Variants in PTPRN2 observed in about 807,000 individuals in gnomAD.
PTPRN2 encodes receptor-type tyrosine-protein phosphatase N2.
A neutral mutation model predicts 118.8 loss-of-function variants in PTPRN2; 74 were observed. The ratio of observed to expected loss-of-function variants is 0.62; its 90% CI spans 0.52 to 0.76. The LOEUF (loss-of-function observed/expected upper bound fraction) is 0.76. Among genes scored for constraint, PTPRN2 ranks in the 30% least tolerant of loss-of-function variants. The pLI is 0.00. For synonymous variants in PTPRN2, 641 were observed against 608.0 expected (o/e 1.05, Z -0.80); for missense variants, 1,481 against 1,394.4 (o/e 1.06, Z -0.99).
rs1800995508 is a variant in PTPRN2 at position 157,591,729 on chromosome 7, G to A, written c.2496+3509C>T. ...AGATGCTGACATTCTAAAACACACG[G>A]TTTAGAGGCCTCCCAGGCAAATGTG... is the stretch of plus-strand genomic sequence containing the variant. On this transcript the variant is annotated intron_variant, in intron 17 of 22. Transcript: ENST00000389418. The surrounding 1 kb of genome is among the most constrained non-coding windows in gnomAD (Gnocchi z 4.4). Among the ~76,000 whole-genome samples the A allele has an allele frequency of 6.6e-6, 1 of 152,188 alleles. No individual in the cohort carries two copies. The highest frequency in any genetic ancestry group is 2.4e-5 in the African/African-American group (1 of 41,428).
chr7:157,700,414 T>C (rs959444369), intron 12 of PTPRN2, among the ~76,000 whole-genome samples: 1 of 152,194 alleles, frequency 6.6e-6, no homozygotes, highest in African/African-American at 2.4e-5. Context: ...TTTCCTCCAC[T>C]GGGTTTCCCA....
At chr7:158,262,335 G>GCACACATATTCA (rs1465615734) in intron 3 of PTPRN2, among the ~76,000 whole-genome samples, 4 of 131,858 alleles carry the variant, frequency 3.0e-5, no homozygotes, top group African/African-American at 1.2e-4. Context: ...CACACACACT[G>GCACACATATTCA]CACACATATT....
intron 2 of PTPRN2, among the ~76,000 whole-genome samples, chr7:158,368,456 G>A (rs1327525564): frequency 6.6e-6 from 1 of 152,242 alleles, no homozygotes; most frequent in Non-Finnish European, 1.5e-5. Context: ...GTGATGACCA[G>A]GTAGATGAAG....
At chr7:158,092,439 CGGAT>C (rs1585412204) in intron 10 of PTPRN2, among the ~76,000 whole-genome samples, 2 of 150,932 alleles carry the variant, frequency 1.3e-5, no homozygotes, top group South Asian at 4.2e-4. Flanking sequence ...GGGAGGTAGA[CGGAT>C]GGATGGATGA....
intron 2 of PTPRN2, among the ~76,000 whole-genome samples, chr7:158,322,336 A>G (rs1444246956): frequency 6.6e-6 from 1 of 152,240 alleles, no homozygotes; most frequent in East Asian, 1.9e-4. Context: ...ATAATTGTGG[A>G]CAGGCTGCAA....
chr7:158,468,516 C>G (rs762392245), intron 2 of PTPRN2, among the ~76,000 whole-genome samples: 1 of 152,072 alleles, frequency 6.6e-6, no homozygotes, highest in Non-Finnish European at 1.5e-5. Flanking sequence ...TTCTGATTCA[C>G]TGGCGCCAGT....
At position 158,507,826 on chromosome 7, in the gene PTPRN2, C is replaced by T. The variant is rs561602648; in HGVS notation, c.113-18041G>A. On this transcript the variant is annotated intron_variant, in intron 1 of 22. Transcript: ENST00000389418. ...CTGCAACAGGCAGTGGACAGGAGACCGCATGCACGGAGGTCAGTGAGGACT... is the reference window on the plus strand; with the variant it reads ...CTGCAACAGGCAGTGGACAGGAGACTGCATGCACGGAGGTCAGTGAGGACT... 2.8e-3 allele frequency among the ~76,000 whole-genome samples: 410 copies of T among 147,750 alleles called. 5 individuals are homozygous for T. Among genetic ancestry groups the T allele is most frequent in the African/African-American group, 9.7e-3 (383 of 39,422 alleles).
intron 1 of PTPRN2, among the ~76,000 whole-genome samples, chr7:158,556,471 T>C (rs1223839863): frequency 6.6e-6 from 1 of 151,848 alleles, no homozygotes; most frequent in Non-Finnish European, 1.5e-5. Context: ...GGAGAATCAC[T>C]TGAACTGGGA....
intron 7 of PTPRN2, among the ~76,000 whole-genome samples, chr7:158,137,969 A>T (rs947777268): frequency 1.3e-5 from 2 of 152,134 alleles, no homozygotes; most frequent in Admixed American, 1.3e-4. Context: ...CTGCTATTCA[A>T]ATATTTGACA....
At chr7:158,111,004 C>T in intron 9 of PTPRN2, 89 bp from the exon 10 acceptor site, 1 of 1,110,234 alleles carries the variant, frequency 9.0e-7, no homozygotes, top group Non-Finnish European at 1.3e-6. Flanking sequence ...GCCCCGCTCC[C>T]TGGTCCCCAC....
chr7:157,905,468 C>A (rs1797720880), intron 11 of PTPRN2, among the ~76,000 whole-genome samples: 1 of 152,014 alleles, frequency 6.6e-6, no homozygotes, highest in South Asian at 2.1e-4. Flanking sequence ...AAAAGGGTTT[C>A]CAAACACAAA....
rs1332222962 is a variant in PTPRN2 at position 158,334,615 on chromosome 7, C to T, written c.164-17683G>A. Reference sequence around the variant, plus strand: ...CCCACACTCTCACCATAAGAGCCGACGCCCGCAGACGTCACTCACACCCAC... The same window carrying T: ...CCCACACTCTCACCATAAGAGCCGATGCCCGCAGACGTCACTCACACCCAC... On this transcript the variant is annotated intron_variant, in intron 2 of 22. Transcript: ENST00000389418. Among the ~76,000 whole-genome samples the T allele has an allele frequency of 2.8e-3, 290 of 104,728 alleles. 9 individuals are homozygous for T. The highest frequency in any genetic ancestry group is 4.7e-3 in the African/African-American group (137 of 28,968). 68.7% of individuals were successfully genotyped at this position (104,728 alleles called of 152,430 possible).
At chr7:157,844,244 G>A (rs1000661031) in intron 12 of PTPRN2, among the ~76,000 whole-genome samples, 4 of 152,200 alleles carry the variant, frequency 2.6e-5, no homozygotes, top group African/African-American at 9.6e-5. Context: ...AGGAGGGACT[G>A]GCCTTGGCGG....
At chr7:158,443,788 C>T (rs778318275) in intron 2 of PTPRN2, among the ~76,000 whole-genome samples, 1 of 152,168 alleles carries the variant, frequency 6.6e-6, no homozygotes, top group Non-Finnish European at 1.5e-5. Flanking sequence ...ACAGGAGCTT[C>T]CTCTACCATG....
At chr7:157,762,245 T>C (rs1190852159) in intron 12 of PTPRN2, among the ~76,000 whole-genome samples, 1 of 152,122 alleles carries the variant, frequency 6.6e-6, no homozygotes, top group Non-Finnish European at 1.5e-5. Flanking sequence ...CATTACTGGG[T>C]ATATACCCAA....
chr7:158,274,017 CAG>C (rs565524534), intron 3 of PTPRN2, among the ~76,000 whole-genome samples: 9 of 130,548 alleles, frequency 6.9e-5, no homozygotes, highest in African/African-American at 2.9e-4. Context: ...GCCGCAGACA[CAG>C]GGGGAGCCGC....
At chr7:158,050,048 A>G (rs1809209976) in intron 11 of PTPRN2, among the ~76,000 whole-genome samples, 2 of 152,204 alleles carry the variant, frequency 1.3e-5, no homozygotes, top group African/African-American at 4.8e-5. Context: ...CCCCCATTTT[A>G]TTAGGAAAGA....
chr7:158,404,933 C>T (rs1469309377), intron 2 of PTPRN2, among the ~76,000 whole-genome samples: 5 of 142,434 alleles, frequency 3.5e-5, no homozygotes, highest in Non-Finnish European at 6.1e-5. Context: ...CCCAGCTCCC[C>T]GGCCCCAGCT....
chr7:158,124,359 C>T (rs1258192932), intron 9 of PTPRN2, among the ~76,000 whole-genome samples: 1 of 152,242 alleles, frequency 6.6e-6, no homozygotes, highest in Non-Finnish European at 1.5e-5. Context: ...GCATGATATG[C>T]AGGCCCCCAC....
Sources: allele counts gnomAD v4.1 joint callset (sites outside exome capture counted in the v4.1 genomes callset), GRCh38; gene constraint gnomAD v4.1.1; non-coding constraint Gnocchi (gnomAD v3.1); transcripts MANE v1.5; gene names NCBI Gene and HGNC (gene_info 2026-07-23, HGNC 2026-07-21).